Variants in NOX3 observed in about 807,000 individuals in gnomAD.
The protein encoded by NOX3 is NADPH oxidase 3, also known as NADPH oxidase catalytic subunit-like 3.
Under a neutral mutation model 76.7 loss-of-function variants are expected in NOX3, and 74 were observed. The observed-to-expected ratio is 0.96, with a 90% CI of 0.80 to 1.17. NOX3 has a LOEUF of 1.17. NOX3 is among the 50% of genes most tolerant of loss of function. NOX3 has a pLI of 0.00. For synonymous variants in NOX3, 263 were observed against 261.1 expected (o/e 1.01, Z -0.07); for missense variants, 695 against 703.3 (o/e 0.99, Z 0.13).
chr6:155,451,132 C>T (rs1323024116), intron 4 of NOX3, among the ~76,000 whole-genome samples: 1 of 152,096 alleles, frequency 6.6e-6, no homozygotes. Flanking sequence ...GCATGAACCA[C>T]CATACCTGGC....
chr6:155,447,960 C>G (rs1302980088), intron 4 of NOX3, among the ~76,000 whole-genome samples: 1 of 152,118 alleles, frequency 6.6e-6, no homozygotes, highest in African/African-American at 2.4e-5. Context: ...ATATAAGTAG[C>G]CATGCTGTTT....
Position 155,445,981 on chromosome 6 carries a change from C to CTATATATA in NOX3, c.341-2571_341-2564dup, listed in dbSNP as rs61040526. On this transcript the variant is annotated intron_variant, in intron 4 of 13. Transcript: ENST00000159060. ...GCTATATATATATAATATATATATG[C>CTATATATA]TATATATATATATATAATATATATA... 6.3e-3 allele frequency among the ~76,000 whole-genome samples: 653 copies of CTATATATA among 104,182 alleles called. 9 individuals carry two copies. The highest frequency in any genetic ancestry group is 0.02 in the African/African-American group (597 of 29,266). The allele number at this position is 104,182 out of a possible 152,430, so 68.3% of individuals were successfully genotyped here. A position where few individuals can be genotyped will look rare whatever the true frequency, so the allele number is the denominator to read the frequency against.
intron 7 of NOX3, among the ~76,000 whole-genome samples, chr6:155,435,681 T>C (rs1306564742): frequency 1.3e-5 from 2 of 152,222 alleles, no homozygotes; most frequent in Non-Finnish European, 2.9e-5. Context: ...ATCTGCCAGA[T>C]GCATTTATTT....
intron 7 of NOX3, 22 bp from the exon 8 acceptor site, chr6:155,430,957 G>C (rs1416911938): frequency 7.2e-7 from 1 of 1,390,252 alleles, no homozygotes; most frequent in African/African-American, 1.4e-5. Context: ...AGCAGAGAGA[G>C]AGAGAAAAAG....
chr6:155,404,026 T>C (rs1779268284), intron 12 of NOX3, among the ~76,000 whole-genome samples: 1 of 151,934 alleles, frequency 6.6e-6, no homozygotes, highest in Non-Finnish European at 1.5e-5. Flanking sequence ...AAAACCAAGA[T>C]ATAGATGTCC....
intron 13 of NOX3, among the ~76,000 whole-genome samples, chr6:155,396,552 T>C (rs1456861258): frequency 6.6e-6 from 1 of 152,160 alleles, no homozygotes; most frequent in African/African-American, 2.4e-5. Context: ...AAAGTGACTT[T>C]TACAATGTTT....
In NOX3 at chr6:155,453,446, T is replaced by C. The variant is rs746421309; in HGVS notation, c.298A>G (p.Arg100Gly). Residue 100 changes from arginine (R) to glycine (G), a missense_variant, in exon 4 of 14, where the codon AGA (arginine) becomes GGA (glycine). Physicochemically the swap from Arg to Gly is moderately radical, Grantham distance 125. Coordinates refer to ENST00000159060, the MANE Select transcript of NOX3 (RefSeq NM_015718.3). ...PWRRQLDKNL[R>G]FHKLVAYGIA... is the part of the protein sequence containing the mutation. ...CCATAGGCGACCAGTTTGTGAAATC[T>C]GAGGTTTTTGTCTAATTGCCTCCTC... 23 of 1,613,838 alleles carry C rather than the reference T, an allele frequency of 1.4e-5. No individual in the cohort carries two copies. Among genetic ancestry groups the C allele is most frequent in the East Asian group, 8.9e-5 (4 of 44,888 alleles).
intron 12 of NOX3, 29 bp downstream of exon 12, chr6:155,407,101 G>C (rs1776474024): frequency 6.2e-7 from 1 of 1,613,460 alleles, no homozygotes; most frequent in Non-Finnish European, 8.5e-7. Flanking sequence ...GAAGAGCCTG[G>C]CAGGGAGAGG....
intron 6 of NOX3, among the ~76,000 whole-genome samples, chr6:155,438,812 G>A (rs1207306081): frequency 6.6e-6 from 1 of 152,234 alleles, no homozygotes; most frequent in East Asian, 1.9e-4. Flanking sequence ...CATGCTCAGC[G>A]GTGGCAATGG....
chr6:155,419,795 T>G (rs906863078), intron 10 of NOX3, among the ~76,000 whole-genome samples: 10 of 152,122 alleles, frequency 6.6e-5, no homozygotes, highest in Non-Finnish European at 1.0e-4. Context: ...TTAAAATTTT[T>G]GGGGGTTCTT....
chr6:155,428,185 G>A (rs1776781671), intron 9 of NOX3, among the ~76,000 whole-genome samples: 1 of 152,258 alleles, frequency 6.6e-6, no homozygotes, highest in South Asian at 2.1e-4. Context: ...ACAGGCGTGA[G>A]CCCAGACTTT....
intron 13 of NOX3, 119 bp from the exon 14 acceptor site, chr6:155,395,693 AAATT>A (rs1216855230): frequency 7.2e-5 from 11 of 152,224 alleles, no homozygotes; most frequent in African/African-American, 2.4e-4. Context: ...AAATTCTAAA[AAATT>A]AATCAATATT....
chr6:155,436,726 A>G (rs1344256040), intron 6 of NOX3, among the ~76,000 whole-genome samples, 179 bp from the exon 7 acceptor site: 2 of 152,202 alleles, frequency 1.3e-5, no homozygotes, highest in African/African-American at 2.4e-5. Context: ...GCATTTAAGA[A>G]GCTTCGAGTA....
Position 155,418,789 on chromosome 6 carries a change from A to G in NOX3, c.1308+3905T>C, listed in dbSNP as rs1311486909. Among the ~76,000 whole-genome samples, 4 of 152,250 alleles carry G rather than the reference A, an allele frequency of 2.6e-5. No individual in the cohort carries two copies. In the South Asian group the frequency reaches 6.2e-4, roughly 24 times the overall value. On this transcript the variant is annotated intron_variant, in intron 10 of 13. Transcript: ENST00000159060. Reference sequence around the variant, plus strand: ...AAGGGTAAAGAAGTTCTAGTTTGCAACGGTGACAATTGAGAAAACTTTGGT... The same window carrying G: ...AAGGGTAAAGAAGTTCTAGTTTGCAGCGGTGACAATTGAGAAAACTTTGGT...
chr6:155,414,258 C>T (rs934950021), intron 10 of NOX3, among the ~76,000 whole-genome samples: 5 of 152,172 alleles, frequency 3.3e-5, no homozygotes, highest in Admixed American at 6.5e-5. Flanking sequence ...TGGTGGGGGA[C>T]ACTCACTGGG....
At chr6:155,397,933 G>A (rs1048435226) in intron 12 of NOX3, among the ~76,000 whole-genome samples, 2 of 152,074 alleles carry the variant, frequency 1.3e-5, no homozygotes, top group African/African-American at 4.8e-5. Context: ...GATACTTTTT[G>A]CATATAGTGG....
intron 11 of NOX3, among the ~76,000 whole-genome samples, chr6:155,409,291 G>C (rs1776510403): frequency 6.6e-6 from 1 of 152,130 alleles, no homozygotes. Context: ...ACGTGTGACT[G>C]TGCACAGTGT....
chr6:155,451,230 C>T (rs181310996), intron 4 of NOX3, among the ~76,000 whole-genome samples: 69 of 152,248 alleles, frequency 4.5e-4, no homozygotes, highest in Non-Finnish European at 7.6e-4. Context: ...CCACCCGCCC[C>T]GGCCTCCCAA....
intron 10 of NOX3, among the ~76,000 whole-genome samples, chr6:155,411,796 C>A (rs1346996909): frequency 6.6e-6 from 1 of 152,192 alleles, no homozygotes; most frequent in Non-Finnish European, 1.5e-5. Context: ...GGCTTGGACA[C>A]TAATCCACTT....
Sources: gnomAD v4.1 joint callset for allele counts (sites outside exome capture counted in the v4.1 genomes callset) on GRCh38, gnomAD v4.1.1 for gene constraint, MANE v1.5 for transcripts, NCBI Gene and HGNC (gene_info 2026-07-23, HGNC 2026-07-21) for gene names.